Variants in TMCC3 observed in about 807,000 individuals in gnomAD.
The protein encoded by TMCC3 is transmembrane and coiled-coil domain family 3.
Under a neutral mutation model 40.2 loss-of-function variants are expected in TMCC3, and 28 were observed. That is an observed-to-expected ratio of 0.70 (90% CI 0.52 to 0.95). TMCC3 has a LOEUF of 0.95. Ranked by LOEUF, TMCC3 falls within the 40% of genes least tolerant of loss-of-function variation. The pLI is 0.00. For missense variants in TMCC3, 554 were observed against 615.2 expected, an observed-to-expected ratio of 0.90 and a Z score of 1.05; for synonymous variants, 255 against 248.5, an observed-to-expected ratio of 1.03 and a Z score of -0.25.
intron 1 of TMCC3, among the ~76,000 whole-genome samples, chr12:94,622,676 T>G (rs1053852798): frequency 3.3e-5 from 5 of 152,170 alleles, no homozygotes; most frequent in Admixed American, 6.5e-5. Context: ...ACTCTGATTT[T>G]TATCTTTCTT....
intron 3 of TMCC3, among the ~76,000 whole-genome samples, chr12:94,573,741 A>G (rs1313171739): frequency 1.3e-5 from 2 of 152,138 alleles, no homozygotes; most frequent in African/African-American, 4.8e-5. Context: ...GCTTTATTCT[A>G]AGTTCTGAAA....
chr12:94,630,878 G>A (rs537338934), intron 1 of TMCC3, among the ~76,000 whole-genome samples: 10 of 152,044 alleles, frequency 6.6e-5, no homozygotes, highest in South Asian at 2.1e-4. Flanking sequence ...ACAGGCACCC[G>A]CCATCACACC....
intron 1 of TMCC3, among the ~76,000 whole-genome samples, chr12:94,602,774 T>G (rs796849130): frequency 4.6e-5 from 7 of 152,222 alleles, no homozygotes; most frequent in African/African-American, 1.7e-4. Flanking sequence ...TTTCCAAGAT[T>G]GTTTTCCTGT....
intron 1 of TMCC3, chr12:94,598,718 C>T: frequency 1.0e-6 from 1 of 985,450 alleles, no homozygotes; most frequent in Non-Finnish European, 1.2e-6. Context: ...CCCACAGCCA[C>T]AGACGTTTAA....
chr12:94,577,731 AG>A (rs1482893865), intron 3 of TMCC3, among the ~76,000 whole-genome samples: 1 of 152,138 alleles, frequency 6.6e-6, no homozygotes, highest in East Asian at 1.9e-4. Context: ...CTCTCCACCT[AG>A]GCAGTGAGCT....
intron 1 of TMCC3, among the ~76,000 whole-genome samples, chr12:94,626,900 G>A (rs764039563): frequency 5.9e-5 from 9 of 152,024 alleles, no homozygotes; most frequent in Non-Finnish European, 1.2e-4. Context: ...TTGTTCTGTC[G>A]CCTAAGCTGG....
At chr12:94,618,383 G>A (rs1305362869) in intron 1 of TMCC3, among the ~76,000 whole-genome samples, 1 of 152,086 alleles carries the variant, frequency 6.6e-6, no homozygotes, top group African/African-American at 2.4e-5. Flanking sequence ...CCATAGCCCA[G>A]TTCAGTATAC....
chr12:94,592,724 C>G (rs186463464), intron 1 of TMCC3, among the ~76,000 whole-genome samples: 16 of 143,528 alleles, frequency 1.1e-4, no homozygotes, highest in Admixed American at 4.4e-4. Context: ...TCTCATTACT[C>G]TGGAATTAGG....
At chr12:94,601,828 A>G (rs1211757297) in intron 1 of TMCC3, among the ~76,000 whole-genome samples, 1 of 131,458 alleles carries the variant, frequency 7.6e-6, no homozygotes. Flanking sequence ...AAAAAAAAAA[A>G]AAAAAAAAGA....
chr12:94,612,738 C>A (rs746024642), intron 1 of TMCC3, among the ~76,000 whole-genome samples: 10 of 152,160 alleles, frequency 6.6e-5, no homozygotes, highest in South Asian at 2.1e-4. Flanking sequence ...GAATTACTTG[C>A]ACTTTTAAAA....
chr12:94,616,054 G>A, intron 1 of TMCC3: 1 of 985,324 alleles, frequency 1.0e-6, no homozygotes, highest in African/African-American at 1.7e-5. Flanking sequence ...ACTCAGCCTG[G>A]ACTTTGGAGA....
intron 1 of TMCC3, among the ~76,000 whole-genome samples, chr12:94,631,817 G>C (rs138709443): frequency 6.6e-6 from 1 of 152,154 alleles, no homozygotes; most frequent in African/African-American, 2.4e-5. Context: ...CTTTCTAACT[G>C]TGGAAACTGA....
At chr12:94,643,920 G>C (rs763565092) in intron 1 of TMCC3, among the ~76,000 whole-genome samples, 2 of 152,192 alleles carry the variant, frequency 1.3e-5, no homozygotes, top group African/African-American at 2.4e-5. Flanking sequence ...CTAATAATCT[G>C]TCTGGGCCTC....
Position 94,571,658 on chromosome 12 carries a change from G to A in TMCC3, c.1211C>T (p.Thr404Ile). The A allele has an allele frequency of 6.2e-7, 1 of 1,614,206 alleles. No homozygotes were observed. The highest frequency in any genetic ancestry group is 8.5e-7 in the Non-Finnish European group (1 of 1,180,032). The change falls in exon 4 of 4, where the codon ACC becomes ATC. Residue 404 changes from threonine to isoleucine, a missense_variant. Coordinates refer to ENST00000261226, the MANE Select transcript of TMCC3 (RefSeq NM_020698.4). ...CCCCAGGAGAACTTTAGCATTCACGGTGTCTGTCTGCAGAGCTTGCTGCTC... is the reference window on the plus strand; with the variant it reads ...CCCCAGGAGAACTTTAGCATTCACGATGTCTGTCTGCAGAGCTTGCTGCTC... ...QQEQQALQTD[T>I]VNAKVLLGRC...
At chr12:94,586,225 T>C (rs1251852081) in intron 1 of TMCC3, among the ~76,000 whole-genome samples, 1 of 152,232 alleles carries the variant, frequency 6.6e-6, no homozygotes, top group Non-Finnish European at 1.5e-5. Flanking sequence ...TGAAGCATAA[T>C]TTATACTCAG....
intron 1 of TMCC3, among the ~76,000 whole-genome samples, chr12:94,599,645 C>T (rs1208640801): frequency 6.8e-6 from 1 of 147,770 alleles, no homozygotes; most frequent in African/African-American, 2.5e-5. Flanking sequence ...TATAAAGGTA[C>T]TTTATGTAAA....
chr12:94,567,624 T>C lies in TMCC3; in HGVS notation c.*3811A>G, dbSNP rs2068502808. The C allele has an allele frequency of 6.6e-6, 1 of 152,202 alleles. No homozygotes were observed. 9.4% of individuals were successfully genotyped at this position (152,202 alleles called of 1,614,324 possible). On this transcript the variant is annotated 3_prime_UTR_variant, in exon 4 of 4. Transcript: ENST00000261226. ...CAATTTCATTCTTTGCAGTGATTTA[T>C]CTTTTTAAACCAACTCGTTCCTTTG...
chr12:94,578,903 T>C (rs547827581), intron 2 of TMCC3, among the ~76,000 whole-genome samples: 2 of 152,298 alleles, frequency 1.3e-5, no homozygotes, highest in Admixed American at 6.5e-5. Flanking sequence ...CTGGTGTCTG[T>C]GGTGCCTTTT....
chr12:94,589,114 C>T (rs7302028), intron 1 of TMCC3, among the ~76,000 whole-genome samples: 34,718 of 149,422 alleles, frequency 0.23, 4,203 homozygotes, highest in African/African-American at 0.24. Context: ...TGAGCCACCA[C>T]GCCTGGCCAG....
Sources: gnomAD v4.1 joint callset for allele counts (sites outside exome capture counted in the v4.1 genomes callset) on GRCh38, gnomAD v4.1.1 for gene constraint, MANE v1.5 for transcripts, NCBI Gene and HGNC (gene_info 2026-07-23, HGNC 2026-07-21) for gene names.